The following ZBTB7B variants were observed in gnomAD, a reference collection of about 807,000 sequenced individuals.
ZBTB7B encodes the protein zinc finger and BTB domain containing 7B.
A neutral mutation model predicts 31.0 loss-of-function variants in ZBTB7B; 8 were observed. That is an observed-to-expected ratio of 0.26 (90% CI 0.15 to 0.47). The LOEUF is 0.47. ZBTB7B is among the 20% of genes least tolerant of loss of function. The pLI is 0.99. For missense variants in ZBTB7B, 494 were observed against 742.4 expected (o/e 0.67, Z 3.89); for synonymous variants, 261 against 307.3 (o/e 0.85, Z 1.58).
chr1:155,014,715 G>C lies in ZBTB7B; in HGVS notation c.55G>C (p.Glu19Gln), dbSNP rs1659231432. 2 of 1,614,200 alleles carry C rather than the reference G, an allele frequency of 1.2e-6. No individual in the cohort carries two copies. Among genetic ancestry groups the C allele is most frequent in the East Asian group, 4.5e-5 (2 of 44,888 alleles). ...IGIPFPDHSS[E>Q]LLSCLNEQRQ... The stretch of plus-strand genomic sequence containing the variant: ...GATTCCATTCCCGGACCACAGCAGT[G>C]AGCTCCTGAGCTGCCTCAATGAGCA... The change falls in exon 2 of 3, where the codon GAG becomes CAG. Residue 19 changes from glutamate (E) to glutamine (Q), a missense_variant. Glu to Gln is a conservative substitution (Grantham distance 29). Transcript: ENST00000535420.
Position 155,015,270 on chromosome 1 carries a change from C to T in ZBTB7B, c.610C>T (p.Pro204Ser), listed in dbSNP as rs979741917. The change falls in exon 2 of 3, where the codon CCC (proline) becomes TCC (serine). Residue 204 changes from proline to serine, a missense_variant. Physicochemically the swap from Pro to Ser is moderately conservative, Grantham distance 74. This residue lies in a region of ZBTB7B where 216 missense variants were observed against 229.3 expected (regional missense o/e 0.94). Transcript: ENST00000535420. ...GCCTGTTGCCCGCCGCAGCCGCAAG[C>T]CCCGGAAAGCTTTCCTGCAAACCAA... ...PRPVARRSRK[P>S]RKAFLQTKGA... The T allele has an allele frequency of 1.2e-6, 2 of 1,613,720 alleles. No individual in the cohort carries two copies. Among genetic ancestry groups the T allele is most frequent in the Admixed American group, 1.7e-5 (1 of 60,006 alleles).
intron 1 of ZBTB7B, among the ~76,000 whole-genome samples, chr1:155,005,560 T>C (rs1658511124): frequency 6.6e-6 from 1 of 152,234 alleles, no homozygotes; most frequent in Non-Finnish European, 1.5e-5. Context: ...GGCAGGGCAC[T>C]GCCCTCTGAC....
At chr1:155,001,839 C>T (rs969687802), upstream of ZBTB7B, among the ~76,000 whole-genome samples, 12 of 148,248 alleles carry the variant, frequency 8.1e-5, no homozygotes, top group African/African-American at 3.0e-4. The surrounding 1 kb of genome is among the most constrained non-coding windows in gnomAD (Gnocchi z 4.8). Context: ...GGCTCAACTC[C>T]CCGGCTCCCT....
rs1252525720 is a variant in ZBTB7B at position 155,018,368 on chromosome 1, T to C, written c.*1683T>C. ...AGACCTGGGGCCCAGCCCCAGAAAG[T>C]GGGGACAATGTGGCCTCCCTTCTCC... On this transcript the variant is annotated 3_prime_UTR_variant, in exon 3 of 3. Transcript: ENST00000535420. The C allele has an allele frequency of 3.1e-6, 2 of 644,818 alleles. No individual in the cohort carries two copies. The highest frequency in any genetic ancestry group is 3.7e-5 in the African/African-American group (2 of 54,300). 39.9% of individuals were successfully genotyped at this position (644,818 alleles called of 1,614,324 possible).
chr1:155,008,540 G>A (rs1017214031), intron 1 of ZBTB7B, among the ~76,000 whole-genome samples: 1 of 152,146 alleles, frequency 6.6e-6, no homozygotes, highest in South Asian at 2.1e-4. Flanking sequence ...AGCTGCCTCC[G>A]TCCCCTCCCC....
Position 155,016,794 on chromosome 1 carries a change from G to T in ZBTB7B, c.*109G>T, listed in dbSNP as rs1659450544. 1 of 665,976 alleles carries T rather than the reference G, an allele frequency of 1.5e-6. No individual in the cohort carries two copies. The highest frequency in any genetic ancestry group is 1.8e-5 in the African/African-American group (1 of 54,966). 41.3% of individuals were successfully genotyped at this position (665,976 alleles called of 1,614,324 possible). A position where few individuals can be genotyped will look rare whatever the true frequency, so the allele number is the denominator to read the frequency against. On this transcript the variant is annotated 3_prime_UTR_variant, in exon 3 of 3. Coordinates refer to ENST00000535420, the MANE Select transcript of ZBTB7B (RefSeq NM_001256455.2). The surrounding 1 kb of genome is among the most constrained non-coding windows in gnomAD (Gnocchi z 4.3). ...GGGGTCTGGGGCACGGAGCCTTGCT[G>T]GCATCAGCATCAGCCCTTCCTCCCA...
upstream of ZBTB7B, among the ~76,000 whole-genome samples, chr1:155,002,119 C>A (rs922496771): frequency 6.6e-6 from 1 of 152,110 alleles, no homozygotes; most frequent in Non-Finnish European, 1.5e-5. Flanking sequence ...GCCCCCTCCC[C>A]CCTCCTCTCC....
rs1403889022 is a variant in ZBTB7B, at chr1:155,016,020, G to A, written c.1155-200G>A. ...AGCATGGAGGATTCGGTGCCCAGGA[G>A]GGCAGTGCTGGAAGCAGAGGAGTGG... On this transcript the variant is annotated intron_variant, in intron 2 of 2. Transcript: ENST00000535420. The surrounding 1 kb of genome is among the most constrained non-coding windows in gnomAD (Gnocchi z 4.3). Among the ~76,000 whole-genome samples the A allele has an allele frequency of 6.6e-6, 1 of 152,158 alleles. No individual in the cohort carries two copies. The highest frequency in any genetic ancestry group is 2.4e-5 in the African/African-American group (1 of 41,426).
chr1:155,016,751 C>A lies in ZBTB7B; in HGVS notation c.*66C>A. The A allele has an allele frequency of 1.1e-6, 1 of 935,446 alleles. No individual in the cohort carries two copies. The highest frequency in any genetic ancestry group is 1.6e-6 in the Non-Finnish European group (1 of 626,428). 57.9% of individuals were successfully genotyped at this position (935,446 alleles called of 1,614,324 possible). A position where few individuals can be genotyped will look rare whatever the true frequency, so the allele number is the denominator to read the frequency against. Reference sequence around the variant, plus strand: ...ACACCCATGCCAAGCAGTGGGAGCACGCAGGACAGACACAGCAGGGGTCTG... The same window carrying A: ...ACACCCATGCCAAGCAGTGGGAGCAAGCAGGACAGACACAGCAGGGGTCTG... On this transcript the variant is annotated 3_prime_UTR_variant, in exon 3 of 3. Coordinates refer to ENST00000535420, the MANE Select transcript of ZBTB7B (RefSeq NM_001256455.2). This position sits in a 1 kb window ranked among gnomAD's most constrained non-coding sequence, Gnocchi z 4.3.
At chr1:155,009,173 G>A (rs1435819187) in intron 1 of ZBTB7B, among the ~76,000 whole-genome samples, 3 of 152,166 alleles carry the variant, frequency 2.0e-5, no homozygotes, top group African/African-American at 4.8e-5. Flanking sequence ...AAGGGGACCC[G>A]AGCAGATCAG....
In ZBTB7B at chr1:155,003,903, T is replaced by TG. The variant is rs1010846208; in HGVS notation, c.-7+967dup. Reference sequence around the variant, plus strand: ...GGCCAGAGCGAGGTGGGGGCGGGAGTGGGGGGGCGGCGTGGGCAGCGGGTT... The same window carrying TG: ...GGCCAGAGCGAGGTGGGGGCGGGAGTGGGGGGGGCGGCGTGGGCAGCGGGTT... On this transcript the variant is annotated intron_variant, in intron 1 of 2. Coordinates refer to ENST00000535420, the MANE Select transcript of ZBTB7B (RefSeq NM_001256455.2). The surrounding 1 kb of genome is among the most constrained non-coding windows in gnomAD (Gnocchi z 5.8). 2.1e-4 allele frequency among the ~76,000 whole-genome samples: 31 copies of TG among 145,836 alleles called. No individual in the cohort carries two copies. The highest frequency in any genetic ancestry group is 6.9e-4 in the South Asian group (3 of 4,342).
chr1:155,010,781 A>G, intron 1 of ZBTB7B: 1 of 732,244 alleles, frequency 1.4e-6, no homozygotes, highest in Non-Finnish European at 2.2e-6. Flanking sequence ...CCAAAAAAAC[A>G]GGAAGAGAAC....
chr1:155,014,635 C>T lies in ZBTB7B; in HGVS notation c.-6-20C>T, dbSNP rs774493475. 28 of 1,598,230 alleles carry T rather than the reference C, an allele frequency of 1.8e-5. No homozygotes were observed. Among genetic ancestry groups the T allele is most frequent in the African/African-American group, 2.7e-5 (2 of 74,626 alleles). ...CTGTGGGCTGAGCGCTCTTAATCTC[C>T]CCTCTACTTGACTCTGCAGGAGAAG... On this transcript the variant is annotated intron_variant, in intron 1 of 2. Transcript: ENST00000535420.
intron 1 of ZBTB7B, among the ~76,000 whole-genome samples, chr1:155,008,030 T>C (rs1658667703): frequency 6.6e-6 from 1 of 152,044 alleles, no homozygotes; most frequent in East Asian, 1.9e-4. Flanking sequence ...TCTCCTGAGT[T>C]GCCCCTCAGG....
intron 1 of ZBTB7B, among the ~76,000 whole-genome samples, chr1:155,011,861 C>T (rs566838974): frequency 6.6e-6 from 1 of 152,276 alleles, no homozygotes; most frequent in South Asian, 2.1e-4. Flanking sequence ...CTTTGCCCCA[C>T]CCATCCCTCC....
chr1:155,015,659 A>C lies in ZBTB7B; in HGVS notation c.999A>C (p.Gln333His), dbSNP rs1355663132. The change falls in exon 2 of 3, where the codon CAA becomes CAC. Residue 333 changes from glutamine to histidine, a missense_variant. Around this residue, in one of 5 missense-constraint regions of ZBTB7B, gnomAD observed 216 missense variants for 229.3 expected, o/e 0.94. Coordinates refer to ENST00000535420, the MANE Select transcript of ZBTB7B (RefSeq NM_001256455.2). ...ACCTGGCACCAGGCCTGGACAGCCAAGACAAGCTGGTGCGCAAACGCCGCT... is the reference window on the plus strand; with the variant it reads ...ACCTGGCACCAGGCCTGGACAGCCACGACAAGCTGGTGCGCAAACGCCGCT... ...QDNLAPGLDS[Q>H]DKLVRKRRSQ... The C allele has an allele frequency of 1.9e-6, 3 of 1,613,364 alleles. No homozygotes were observed. Among genetic ancestry groups the C allele is most frequent in the Non-Finnish European group, 2.5e-6 (3 of 1,180,008 alleles).
chr1:155,018,234 G>C lies in ZBTB7B; in HGVS notation c.*1549G>C, dbSNP rs1659612617. The C allele has an allele frequency of 2.9e-6, 1 of 345,884 alleles. No homozygotes were observed. 21.4% of individuals were successfully genotyped at this position (345,884 alleles called of 1,614,324 possible). On this transcript the variant is annotated 3_prime_UTR_variant, in exon 3 of 3. Transcript: ENST00000535420. ...GGAGGGGGTAGCGGGACCAGTCCCT[G>C]TTATCTATTTAAAAAGTGATGATGT...
Position 155,016,763 on chromosome 1 carries a change from A to G in ZBTB7B, c.*78A>G. 1 of 820,520 alleles carries G rather than the reference A, an allele frequency of 1.2e-6. No individual in the cohort carries two copies. Among genetic ancestry groups the G allele is most frequent in the Non-Finnish European group, 1.9e-6 (1 of 523,798 alleles). The allele number at this position is 820,520 out of a possible 1,614,324, so 50.8% of individuals were successfully genotyped here. On this transcript the variant is annotated 3_prime_UTR_variant, in exon 3 of 3. Coordinates refer to ENST00000535420, the MANE Select transcript of ZBTB7B (RefSeq NM_001256455.2). The surrounding 1 kb of genome is among the most constrained non-coding windows in gnomAD (Gnocchi z 4.3). ...AGCAGTGGGAGCACGCAGGACAGAC[A>G]CAGCAGGGGTCTGGGGCACGGAGCC...
chr1:155,005,785 T>C (rs1438104899), intron 1 of ZBTB7B, among the ~76,000 whole-genome samples: 3 of 152,166 alleles, frequency 2.0e-5, no homozygotes, highest in African/African-American at 7.2e-5. Flanking sequence ...CCCCTCCTTG[T>C]GCTGAGTAAA....
Sources: gnomAD v4.1 joint callset for allele counts (sites outside exome capture counted in the v4.1 genomes callset) on GRCh38, gnomAD v4.1.1 for gene constraint, gnomAD v4.1.1 regional missense constraint, Gnocchi (gnomAD v3.1) non-coding constraint, MANE v1.5 for transcripts, NCBI Gene and HGNC (gene_info 2026-07-23, HGNC 2026-07-21) for gene names.